Variants in ARHGAP4 observed in about 807,000 individuals in gnomAD.
ARHGAP4 encodes the protein rho GTPase-activating protein 4.
Under a neutral mutation model 67.6 loss-of-function variants are expected in ARHGAP4, and 25 were observed. The observed-to-expected ratio is 0.37, with a 90% CI of 0.27 to 0.52. The LOEUF (loss-of-function observed/expected upper bound fraction) is 0.52. ARHGAP4 is among the 20% of genes least tolerant of loss of function. The pLI is 0.92. For missense variants in ARHGAP4, 804 were observed against 854.6 expected (o/e 0.94, Z 0.74); for synonymous variants, 448 against 373.7 (o/e 1.20, Z -2.29).
At position 153,912,861 on chromosome X, in the gene ARHGAP4, C is replaced by A. The variant is rs1389980361; in HGVS notation, c.1440-59G>T. On this transcript the variant is annotated intron_variant, in intron 11 of 21. Coordinates refer to ENST00000350060, the MANE Select transcript of ARHGAP4 (RefSeq NM_001666.5). ...AGGTGTGGAGAATAGGGTGCCCCAC[C>A]CCCCAGGCCAGCCAAGCCGGCCTCT... The A allele has an allele frequency of 8.1e-6, 9 of 1,115,761 alleles. No homozygotes were observed. In the African/African-American group the frequency reaches 1.6e-4, roughly 20 times the overall value. 92.0% of individuals were successfully genotyped at this position (1,115,761 alleles called of 1,213,427 possible). A position where few individuals can be genotyped will look rare whatever the true frequency, so the allele number is the denominator to read the frequency against.
intron 1 of ARHGAP4, among the ~76,000 whole-genome samples, chrX:153,923,310 C>G (rs2065107689): frequency 8.9e-6 from 1 of 111,849 alleles, no homozygotes; most frequent in Non-Finnish European, 1.9e-5. Flanking sequence ...TCTGTCCCGC[C>G]AGTGACTTCC....
At chrX:153,909,315 A>T (rs1474502319) in intron 20 of ARHGAP4, 128 bp downstream of exon 20, 1 of 880,183 alleles carries the variant, frequency 1.1e-6, no homozygotes, top group Non-Finnish European at 1.6e-6. Flanking sequence ...CCCTGTCACA[A>T]GCTGGGTCAT....
rs1557102549 is a variant in ARHGAP4 at position 153,910,053 on chromosome X, T to C, written c.2189A>G (p.Asn730Ser). Reference protein sequence around the residue: ...DAQLESLGADNEPELEAEMPA... With the variant: ...DAQLESLGADSEPELEAEMPA... ...CATCTCGGCTTCCAGCTCCGGCTCA[T>C]TGTCCGCCCCCAGGCTCTCCAGCTG... Residue 730 changes from asparagine (N) to serine (S), a missense_variant, in exon 18 of 22, where the codon AAT becomes AGT. Asn to Ser is a conservative substitution (Grantham distance 46). This residue lies in a region of ARHGAP4 where 400 missense variants were observed against 348.7 expected (regional missense o/e 1.15). Coordinates refer to ENST00000350060, the MANE Select transcript of ARHGAP4 (RefSeq NM_001666.5). The C allele has an allele frequency of 2.5e-6, 3 of 1,209,918 alleles. No individual in the cohort carries two copies. The highest frequency in any genetic ancestry group is 3.4e-6 in the Non-Finnish European group (3 of 895,158).
At chrX:153,920,218 A>G (rs1294763125) in intron 5 of ARHGAP4, among the ~76,000 whole-genome samples, 1 of 112,638 alleles carries the variant, frequency 8.9e-6, no homozygotes, top group African/African-American at 3.2e-5. Context: ...CATGACTGTC[A>G]GCCACGCACA....
Position 153,920,524 on chromosome X carries a change from T to C in ARHGAP4, c.681+102A>G, listed in dbSNP as rs1350440103. The C allele has an allele frequency of 3.3e-6, 3 of 922,283 alleles. No individual in the cohort carries two copies. The African/African-American group carries it at 6.0e-5, about 18-fold the overall frequency. The allele number at this position is 922,283 out of a possible 1,213,427, so 76.0% of individuals were successfully genotyped here. ...CCTGATGGCACTGTCCTGCCACTCC[T>C]GCCCTCCCCTGCACCCAGCCCTGAC... On this transcript the variant is annotated intron_variant, in intron 5 of 21. Transcript: ENST00000350060.
At chrX:153,919,662 C>G (rs1444966034) in intron 5 of ARHGAP4, 1 of 1,164,078 alleles carries the variant, frequency 8.6e-7, no homozygotes, top group Non-Finnish European at 1.1e-6. Flanking sequence ...CTGGAAGCGG[C>G]CACAGGCCTC....
chrX:153,919,675 C>G, intron 5 of ARHGAP4: 1 of 1,161,164 alleles, frequency 8.6e-7, no homozygotes, highest in Non-Finnish European at 1.2e-6. Context: ...CAGGCCTCTG[C>G]GGGGGCCAGA....
intron 1 of ARHGAP4, among the ~76,000 whole-genome samples, chrX:153,923,883 T>G (rs782378165): frequency 4.0e-4 from 45 of 111,717 alleles, no homozygotes; most frequent in Non-Finnish European, 7.5e-4. Flanking sequence ...GTTCAAGCGA[T>G]TCTCCCGCCT....
rs1466022909 is a variant in ARHGAP4, at chrX:153,912,880, G to A, written c.1440-78C>T. On this transcript the variant is annotated intron_variant, in intron 11 of 21. Transcript: ENST00000350060. ...CCCCACCCCCCAGGCCAGCCAAGCC[G>A]GCCTCTAATTCTCTGAAGTTATTCC... The A allele has an allele frequency of 4.5e-5, 50 of 1,113,643 alleles. No homozygotes were observed. The South Asian group carries it at 6.5e-4, about 15-fold the overall frequency. 91.8% of individuals were successfully genotyped at this position (1,113,643 alleles called of 1,213,427 possible).
In ARHGAP4 at chrX:153,909,106, G is replaced by C. The variant is rs782450081; in HGVS notation, c.2571C>G (p.Val857=). Residue 857 remains valine, a synonymous_variant, in exon 21 of 22, where the codon GTC becomes GTG. Transcript: ENST00000350060. ...CCACGTGTTGCTCTGGGGAGGCTGG[G>C]ACCAAGCAGCGTCGTCTGTGTCCAG... is the stretch of plus-strand genomic sequence containing the variant. ...GPSGHRRRCL[V]PASPEQHVEV... 52 of 1,210,360 alleles carry C rather than the reference G, an allele frequency of 4.3e-5. No homozygotes were observed. Among genetic ancestry groups the C allele is most frequent in the Non-Finnish European group, 5.6e-5 (50 of 895,244 alleles).
intron 12 of ARHGAP4, among the ~76,000 whole-genome samples, chrX:153,912,017 G>A (rs782621703): frequency 9.0e-6 from 1 of 111,438 alleles, no homozygotes; most frequent in Non-Finnish European, 1.9e-5. Context: ...TGAAAATGAC[G>A]ATATCAGTTC....
chrX:153,920,213 C>G (rs1227538906), intron 5 of ARHGAP4, among the ~76,000 whole-genome samples: 1 of 112,821 alleles, frequency 8.9e-6, no homozygotes, highest in African/African-American at 3.2e-5. Context: ...GAGACCATGA[C>G]TGTCAGCCAC....
chrX:153,915,892 A>T (rs2065052831), intron 7 of ARHGAP4, among the ~76,000 whole-genome samples: 1 of 112,423 alleles, frequency 8.9e-6, no homozygotes, highest in African/African-American at 3.2e-5. Flanking sequence ...TCTGGAAAGG[A>T]TATAGCAGGG....
intron 5 of ARHGAP4, chrX:153,919,552 A>C (rs1960967262): frequency 2.6e-6 from 3 of 1,151,173 alleles, no homozygotes; most frequent in Non-Finnish European, 3.5e-6. Context: ...ATGACACAGA[A>C]CTATTCACAG....
chrX:153,908,479 G>A (rs901051332), intron 21 of ARHGAP4, among the ~76,000 whole-genome samples: 4 of 112,120 alleles, frequency 3.6e-5, no homozygotes, highest in Admixed American at 1.9e-4. Context: ...CGTTCAGCCC[G>A]ACAGTGTTCA....
At position 153,918,794 on chromosome X, in the gene ARHGAP4, G is replaced by T. The variant is rs376629302; in HGVS notation, c.1032+38C>A. The T allele has an allele frequency of 6.8e-6, 8 of 1,177,096 alleles. No individual in the cohort carries two copies. In the African/African-American group the frequency reaches 1.4e-4, roughly 21 times the overall value. On this transcript the variant is annotated intron_variant, in intron 7 of 21. Transcript: ENST00000350060. ...TCCACTGCCCACCATTACAGTGAAG[G>T]CCAGAGAATGCCAAGCCCAGCAGGG...
At chrX:153,912,900 T>C in intron 11 of ARHGAP4, 98 bp from the exon 12 acceptor site, 1 of 1,115,393 alleles carries the variant, frequency 9.0e-7, no homozygotes, top group African/African-American at 1.8e-5. Flanking sequence ...TCTCTGAAGT[T>C]ATTCCACAAT....
At chrX:153,924,019 T>C (rs1557105777) in intron 1 of ARHGAP4, among the ~76,000 whole-genome samples, 1 of 111,694 alleles carries the variant, frequency 9.0e-6, no homozygotes, top group African/African-American at 3.3e-5. Context: ...CCTCAGGTGA[T>C]CCGCCCGCCT....
chrX:153,910,650 G>C, intron 15 of ARHGAP4, 39 bp from the exon 16 acceptor site: 2 of 1,185,325 alleles, frequency 1.7e-6, no homozygotes, highest in Non-Finnish European at 2.3e-6. Context: ...GCGTGAGCGG[G>C]GCTGCCCCAG....
Sources: allele counts gnomAD v4.1 joint callset (sites outside exome capture counted in the v4.1 genomes callset), GRCh38; gene constraint gnomAD v4.1.1; regional missense constraint gnomAD v4.1.1; transcripts MANE v1.5; gene names NCBI Gene and HGNC (gene_info 2026-07-23, HGNC 2026-07-21).